ISYNA1: variants seen among roughly 807,000 people sequenced by gnomAD.
ISYNA1 encodes MI-1-P synthase.
Under a neutral mutation model 50.3 loss-of-function variants are expected in ISYNA1, and 34 were observed. That is an observed-to-expected ratio of 0.68 (90% CI 0.51 to 0.90). The LOEUF (loss-of-function observed/expected upper bound fraction) is 0.90. Ranked by LOEUF, ISYNA1 falls within the 40% of genes least tolerant of loss-of-function variation. The pLI, the probability that ISYNA1 is intolerant of heterozygous loss-of-function variation, is 0.00. For missense variants in ISYNA1, 718 were observed against 784.8 expected, an observed-to-expected ratio of 0.91 and a Z score of 1.02; for synonymous variants, 396 against 349.9, an observed-to-expected ratio of 1.13 and a Z score of -1.47.
Position 18,437,997 on chromosome 19 carries a change from C to T in ISYNA1, c.-9-9G>A, listed in dbSNP as rs780458642. ...GCCTCCATCGCGGCGGGCTGGGGGC[C>T]CGGGGTGAGCAGGGGGTCAGCGGGG... On this transcript the variant is annotated splice_polypyrimidine_tract_variant and intron_variant, in intron 1 of 10. Coordinates refer to ENST00000338128, the MANE Select transcript of ISYNA1 (RefSeq NM_016368.5). The T allele has an allele frequency of 1.9e-6, 3 of 1,552,078 alleles. No homozygotes were observed. Among genetic ancestry groups the T allele is most frequent in the East Asian group, 2.4e-5 (1 of 41,448 alleles).
At chr19:18,437,524 C>A (rs982733984) in intron 3 of ISYNA1, 75 bp downstream of exon 3, 2 of 1,053,628 alleles carry the variant, frequency 1.9e-6, no homozygotes, top group African/African-American at 1.7e-5. Flanking sequence ...GAGCCCCGCC[C>A]CCTGCAGGCT....
rs969160909 is a variant in ISYNA1, at chr19:18,437,403, C to T, written c.282+196G>A. The T allele has an allele frequency of 1.6e-5, 18 of 1,148,950 alleles. 1 individual carries two copies. Among genetic ancestry groups the T allele is most frequent in the East Asian group, 3.0e-5 (1 of 33,030 alleles). 71.2% of individuals were successfully genotyped at this position (1,148,950 alleles called of 1,614,324 possible). ...AGCCCTCCCGCCCCACAGAGCTTCG[C>T]CCCCTGCAGGTCCCTCGCCCACTAC... On this transcript the variant is annotated intron_variant, in intron 3 of 10. Transcript: ENST00000338128.
At chr19:18,438,010 G>A (rs1186149798) in intron 1 of ISYNA1, 22 bp from the exon 2 acceptor site, 1 of 1,538,146 alleles carries the variant, frequency 6.5e-7, no homozygotes, top group South Asian at 1.2e-5. Flanking sequence ...GGGTGAGCAG[G>A]GGGTCAGCGG....
In ISYNA1 at chr19:18,436,883, G is replaced by T; in HGVS notation, c.416-6C>A. On this transcript the variant is annotated splice_region_variant and splice_polypyrimidine_tract_variant and intron_variant, in intron 4 of 10. Transcript: ENST00000338128. ...CAGCGACGAGATGTCCCAGCCTGGG[G>T]GGACCCTCACACTCGGCCCTGCCCG... 1 of 1,597,732 alleles carries T rather than the reference G, an allele frequency of 6.3e-7. No homozygotes were observed. The highest frequency in any genetic ancestry group is 8.5e-7 in the Non-Finnish European group (1 of 1,174,100).
intron 9 of ISYNA1, 30 bp downstream of exon 9, chr19:18,435,533 C>T (rs1473834748): frequency 6.2e-7 from 1 of 1,604,222 alleles, no homozygotes; most frequent in East Asian, 2.3e-5. Context: ...AGCCCTGCCT[C>T]CCATAGCAGC....
Position 18,434,613 on chromosome 19 carries a change from G to A in ISYNA1, c.*300C>T, listed in dbSNP as rs1450597372. The A allele has an allele frequency of 5.5e-6, 3 of 544,612 alleles. No individual in the cohort carries two copies. The highest frequency in any genetic ancestry group is 9.8e-6 in the Non-Finnish European group (3 of 306,948). 33.7% of individuals were successfully genotyped at this position (544,612 alleles called of 1,614,324 possible). On this transcript the variant is annotated 3_prime_UTR_variant, in exon 11 of 11. Transcript: ENST00000338128. ...CTTCTGCCACCACACTCTCCACCCT[G>A]TGGTCTTGTTCCGTCCCCGCCCCCA...
chr19:18,434,523 G>A lies in ISYNA1; in HGVS notation c.*390C>T. The A allele has an allele frequency of 3.4e-6, 2 of 592,726 alleles. No individual in the cohort carries two copies. Among genetic ancestry groups the A allele is most frequent in the Non-Finnish European group, 5.5e-6 (2 of 360,632 alleles). 36.7% of individuals were successfully genotyped at this position (592,726 alleles called of 1,614,324 possible). ...CCTCTCCCCAGGACGTCAGGGGGTG[G>A]GGCCCATAAATAAATGGAAGCTGGT... On this transcript the variant is annotated 3_prime_UTR_variant, in exon 11 of 11. Coordinates refer to ENST00000338128, the MANE Select transcript of ISYNA1 (RefSeq NM_016368.5).
Position 18,435,419 on chromosome 19 carries a change from A to G in ISYNA1, c.1319T>C (p.Val440Ala). 1 of 1,610,664 alleles carries G rather than the reference A, an allele frequency of 6.2e-7. No individual in the cohort carries two copies. Among genetic ancestry groups the G allele is most frequent in the Non-Finnish European group, 8.5e-7 (1 of 1,179,810 alleles). ...GGGGTCCATGTCAGTGCAGAAGCTC[A>G]CGCGCTGGCACAGCTCGGTCAGCAG... ...LALLTELCQR[V>A]SFCTDMDPEP... The change falls in exon 10 of 11, where the codon GTG becomes GCG. Residue 440 changes from valine to alanine, a missense_variant. Coordinates refer to ENST00000338128, the MANE Select transcript of ISYNA1 (RefSeq NM_016368.5).
In ISYNA1 at chr19:18,437,997, C is replaced by G. The variant is rs780458642; in HGVS notation, c.-9-9G>C. The G allele has an allele frequency of 1.3e-6, 2 of 1,552,078 alleles. No homozygotes were observed. The highest frequency in any genetic ancestry group is 1.7e-6 in the Non-Finnish European group (2 of 1,151,206). The stretch of plus-strand genomic sequence containing the variant: ...GCCTCCATCGCGGCGGGCTGGGGGC[C>G]CGGGGTGAGCAGGGGGTCAGCGGGG... On this transcript the variant is annotated splice_polypyrimidine_tract_variant and intron_variant, in intron 1 of 10. Transcript: ENST00000338128.
chr19:18,434,984 C>G lies in ISYNA1; in HGVS notation c.1606G>C (p.Ala536Pro), dbSNP rs765234659. Reference sequence around the variant, plus strand: ...TCACCGGTGCAGCCATTGGTGGCAGCGGGTACCGGTCCTTTCTTGTTCAAC... The same window carrying G: ...TCACCGGTGCAGCCATTGGTGGCAGGGGGTACCGGTCCTTTCTTGTTCAAC... ...PMLNKKGPVP[A>P]ATNGCTGDAN... The change falls in exon 11 of 11, where the codon GCT (alanine) becomes CCT (proline). Residue 536 changes from alanine to proline, a missense_variant. Physicochemically the swap from Ala to Pro is conservative, Grantham distance 27 (BLOSUM62 -1). Transcript: ENST00000338128. The G allele has an allele frequency of 3.7e-6, 6 of 1,613,332 alleles. No individual in the cohort carries two copies. Among genetic ancestry groups the G allele is most frequent in the Non-Finnish European group, 5.1e-6 (6 of 1,180,000 alleles).
At position 18,437,721 on chromosome 19, in the gene ISYNA1, G is replaced by A. The variant is rs1170774880; in HGVS notation, c.160C>T (p.Arg54Trp). ...TSTRFTFRTA[R>W]QVPRLGVMLV... ...ATGACCCCGAGCCGGGGCACCTGCCGGGCGGTCCGGAAGGTGAAGCGCGTG... is the reference window on the plus strand; with the variant it reads ...ATGACCCCGAGCCGGGGCACCTGCCAGGCGGTCCGGAAGGTGAAGCGCGTG... Residue 54 changes from arginine to tryptophan, a missense_variant, in exon 3 of 11, where the codon CGG (arginine) becomes TGG (tryptophan). By Grantham distance (101) the Arg-to-Trp change is moderately radical (BLOSUM62 -3). Coordinates refer to ENST00000338128, the MANE Select transcript of ISYNA1 (RefSeq NM_016368.5). The A allele has an allele frequency of 1.9e-6, 3 of 1,564,240 alleles. No homozygotes were observed. Among genetic ancestry groups the A allele is most frequent in the African/African-American group, 1.3e-5 (1 of 74,120 alleles).
Position 18,436,977 on chromosome 19 carries a change from G to T in ISYNA1, c.411C>A (p.Phe137Leu). 4 of 1,508,292 alleles carry T rather than the reference G, an allele frequency of 2.7e-6. No individual in the cohort carries two copies. Among genetic ancestry groups the T allele is most frequent in the Non-Finnish European group, 3.6e-6 (4 of 1,114,082 alleles). The allele number at this position is 1,508,292 out of a possible 1,614,324, so 93.4% of individuals were successfully genotyped here. A position where few individuals can be genotyped will look rare whatever the true frequency, so the allele number is the denominator to read the frequency against. Reference sequence around the variant, plus strand: ...CCGGCCCAGGGCTCCGCCCACCATCGAACACGAGGTCGTTGGGCGCCACCA... The same window carrying T: ...CCGGCCCAGGGCTCCGCCCACCATCTAACACGAGGTCGTTGGGCGCCACCA... ...LPMVAPNDLV[F>L]DGWDISSLNL... Residue 137 changes from phenylalanine (F) to leucine (L), a missense_variant, in exon 4 of 11, where the codon TTC becomes TTA. Around this residue, in one of 3 missense-constraint regions of ISYNA1, gnomAD observed 403 missense variants for 466.6 expected, o/e 0.86. Coordinates refer to ENST00000338128, the MANE Select transcript of ISYNA1 (RefSeq NM_016368.5).
Position 18,434,432 on chromosome 19 carries a change from C to T in ISYNA1, c.*481G>A, listed in dbSNP as rs1006928648. On this transcript the variant is annotated 3_prime_UTR_variant, in exon 11 of 11. Coordinates refer to ENST00000338128, the MANE Select transcript of ISYNA1 (RefSeq NM_016368.5). ...AAAACGCAAGGACCTCAGAGACGTT[C>T]TTTTCTGTATGGACCCTTCCTGCCA... is the stretch of plus-strand genomic sequence containing the variant. 18 of 1,155,958 alleles carry T rather than the reference C, an allele frequency of 1.6e-5. No individual in the cohort carries two copies. The highest frequency in any genetic ancestry group is 9.6e-5 in the African/African-American group (6 of 62,822). 71.6% of individuals were successfully genotyped at this position (1,155,958 alleles called of 1,614,324 possible). A position where few individuals can be genotyped will look rare whatever the true frequency, so the allele number is the denominator to read the frequency against.
rs781625747 is a variant in ISYNA1, at chr19:18,437,943, C to T, written c.37G>A (p.Asp13Asn). Residue 13 changes from aspartate (D) to asparagine (N), a missense_variant, in exon 2 of 11, where the codon GAC becomes AAC. Physicochemically the swap from Asp to Asn is conservative, Grantham distance 23. Around this residue, in one of 3 missense-constraint regions of ISYNA1, gnomAD observed 403 missense variants for 466.6 expected, o/e 0.86. Coordinates refer to ENST00000338128, the MANE Select transcript of ISYNA1 (RefSeq NM_016368.5). ...ATGGCCTCGGGGCCGTAGACCACGT[C>T]CGGGCTCTCGACGAAGAACTGGGCG... ...AAAQFFVESP[D>N]VVYGPEAIEA... 2.5e-6 allele frequency: 4 copies of T among 1,605,712 alleles called. No homozygotes were observed. The highest frequency in any genetic ancestry group is 1.7e-6 in the Non-Finnish European group (2 of 1,177,318).
rs1748843100 is a variant in ISYNA1 at position 18,435,001 on chromosome 19, T to C, written c.1589A>G (p.Lys530Arg). Residue 530 changes from lysine to arginine, a missense_variant, in exon 11 of 11, where the codon AAG (lysine) becomes AGG (arginine). By Grantham distance (26) the Lys-to-Arg change is conservative. This residue lies in a region of ISYNA1 where 305 missense variants were observed against 292.6 expected (regional missense o/e 1.04). Transcript: ENST00000338128. ...PVAATYPMLNKKGPVPAATNG... is the reference protein window; with the variant it reads ...PVAATYPMLNRKGPVPAATNG... ...GGTGGCAGCGGGTACCGGTCCTTTC[T>C]TGTTCAACATAGGGTAGGTGGCAGC... is the stretch of plus-strand genomic sequence containing the variant. 3 of 1,613,392 alleles carry C rather than the reference T, an allele frequency of 1.9e-6. No homozygotes were observed. The South Asian group carries it at 3.3e-5, about 18-fold the overall frequency.
Position 18,435,110 on chromosome 19 carries a change from C to A in ISYNA1, c.1480G>T (p.Val494Leu). ...ATGTGGTTCTGTGGCGGGAGCCCCA[C>A]GCAGGCCCTGGAGAGGTCACACAGC... ...SCIENILRAC[V>L]GLPPQNHMLL... Residue 494 changes from valine (V) to leucine (L), a missense_variant, in exon 11 of 11, where the codon GTG (valine) becomes TTG (leucine). Transcript: ENST00000338128. 1 of 1,613,164 alleles carries A rather than the reference C, an allele frequency of 6.2e-7. No individual in the cohort carries two copies. Among genetic ancestry groups the A allele is most frequent in the Non-Finnish European group, 8.5e-7 (1 of 1,179,958 alleles).
In ISYNA1 at chr19:18,436,323, CG is replaced by C. The variant is rs1348859251; in HGVS notation, c.759+6del. 1 of 1,611,122 alleles carries C rather than the reference CG, an allele frequency of 6.2e-7. No individual in the cohort carries two copies. The highest frequency in any genetic ancestry group is 1.3e-5 in the African/African-American group (1 of 74,898). Reference sequence around the variant, plus strand: ...GCCTGACCCGCTCCACCCGGGCGTTCGCCCACCTCAATGGTGCGCAGCAGGT... The same window carrying C: ...GCCTGACCCGCTCCACCCGGGCGTTCCCCACCTCAATGGTGCGCAGCAGGT... On this transcript the variant is annotated splice_donor_region_variant and intron_variant, in intron 6 of 10. Transcript: ENST00000338128.
Position 18,437,819 on chromosome 19 carries a change from G to A in ISYNA1, c.120+41C>T, listed in dbSNP as rs779463708. ...CGTGCCCTTCTCCCCGAGCCGCCCC[G>A]CTCTCCCCAGCACGCCTCCTTCCTC... On this transcript the variant is annotated intron_variant, in intron 2 of 10. Transcript: ENST00000338128. 6.8e-6 allele frequency: 11 copies of A among 1,608,264 alleles called. No homozygotes were observed. The East Asian group carries it at 2.2e-4, about 33-fold the overall frequency.
Position 18,436,418 on chromosome 19 carries a change from A to G in ISYNA1, c.671T>C (p.Ile224Thr). 1 of 1,611,048 alleles carries G rather than the reference A, an allele frequency of 6.2e-7. No homozygotes were observed. The highest frequency in any genetic ancestry group is 1.1e-5 in the South Asian group (1 of 91,066). ...FRSSAGLDKV[I>T]VLWTANTERF... is the part of the protein sequence containing the mutation. ...CTCCGTGTTCGCCGTCCACAGCACT[A>G]TGACTTTGTCCAGCCCCGCGCTAGA... Residue 224 changes from isoleucine (I) to threonine (T), a missense_variant, in exon 6 of 11, where the codon ATA becomes ACA. This residue lies in a region of ISYNA1 where 403 missense variants were observed against 466.6 expected (regional missense o/e 0.86). Transcript: ENST00000338128.
Sources: gnomAD v4.1 joint callset for allele counts on GRCh38, gnomAD v4.1.1 for gene constraint, gnomAD v4.1.1 regional missense constraint, MANE v1.5 for transcripts, NCBI Gene and HGNC (gene_info 2026-07-23, HGNC 2026-07-21) for gene names.